TRDN: variants seen among roughly 807,000 people sequenced by gnomAD.
TRDN encodes the protein triadin in skeletal muscle.
TRDN carries 161 observed loss-of-function variants against 149.7 expected under a neutral mutation model. The observed-to-expected ratio is 1.08, with a 90% CI of 0.95 to 1.23. The LOEUF (loss-of-function observed/expected upper bound fraction) is 1.23. TRDN is among the 50% of genes most tolerant of loss of function. The pLI, the probability that TRDN is intolerant of heterozygous loss-of-function variation, is 0.00. For synonymous variants in TRDN, 294 were observed against 250.5 expected (o/e 1.17, Z -1.64); for missense variants, 896 against 823.5 (o/e 1.09, Z -1.08).
intron 1 of TRDN, among the ~76,000 whole-genome samples, chr6:123,625,664 A>T (rs1785626061): frequency 6.6e-6 from 1 of 152,214 alleles, no homozygotes; most frequent in Non-Finnish European, 1.5e-5. Context: ...GCTTATCCTG[A>T]TGTGATTATT....
chr6:123,351,001 G>GT, intron 21 of TRDN: 1 of 984,382 alleles, frequency 1.0e-6, no homozygotes, highest in South Asian at 4.7e-5. Context: ...AAGAAACAAT[G>GT]TTTTCAAATC....
intron 19 of TRDN, among the ~76,000 whole-genome samples, chr6:123,374,609 A>G (rs537333750): frequency 5.3e-5 from 8 of 152,182 alleles, no homozygotes; most frequent in African/African-American, 1.9e-4. Flanking sequence ...AAGCTACTCA[A>G]TATATTTTTC....
At chr6:123,570,280 T>G (rs528489906) in intron 2 of TRDN, among the ~76,000 whole-genome samples, 6 of 152,342 alleles carry the variant, frequency 3.9e-5, no homozygotes, top group African/African-American at 1.4e-4. Flanking sequence ...CTTGGCTGAT[T>G]CCTTTCCTTA....
At chr6:123,498,290 A>C (rs12154083) in intron 8 of TRDN, 76,480 of 234,790 alleles carry the variant, frequency 0.33, 13,131 homozygotes, top group Admixed American at 0.45. Flanking sequence ...CTTGTTACTA[A>C]ACAGATACAC....
chr6:123,537,555 C>A (rs2114379473), intron 4 of TRDN, among the ~76,000 whole-genome samples: 1 of 152,290 alleles, frequency 6.6e-6, no homozygotes, highest in East Asian at 1.9e-4. Context: ...AGATTCACTT[C>A]ATTAGTTTTT....
intron 12 of TRDN, among the ~76,000 whole-genome samples, chr6:123,408,154 T>G (rs1773272567): frequency 6.6e-6 from 1 of 152,170 alleles, no homozygotes; most frequent in Non-Finnish European, 1.5e-5. Context: ...TGAAAATGCT[T>G]ATAGGAGGTC....
At chr6:123,245,577 C>T (rs1776142847) in intron 38 of TRDN, among the ~76,000 whole-genome samples, 1 of 152,084 alleles carries the variant, frequency 6.6e-6, no homozygotes, top group Admixed American at 6.6e-5. Context: ...TACAGGAGCA[C>T]CCGGATTGAT....
intron 12 of TRDN, among the ~76,000 whole-genome samples, chr6:123,435,008 C>T (rs1049911744): frequency 6.6e-6 from 1 of 151,666 alleles, no homozygotes; most frequent in African/African-American, 2.4e-5. Flanking sequence ...ACGGTAGAAG[C>T]CCATTTATCA....
At chr6:123,455,313 A>G (rs1262046518) in intron 10 of TRDN, among the ~76,000 whole-genome samples, 1 of 149,888 alleles carries the variant, frequency 6.7e-6, no homozygotes, top group Non-Finnish European at 1.5e-5. Context: ...GAGTGATTGC[A>G]TTTATTTAAA....
At chr6:123,565,776 TC>T (rs1338110791) in intron 2 of TRDN, among the ~76,000 whole-genome samples, 1 of 152,206 alleles carries the variant, frequency 6.6e-6, no homozygotes, top group Non-Finnish European at 1.5e-5. Flanking sequence ...CTTCAGCGTC[TC>T]CAAATCCTGG....
chr6:123,437,001 A>G (rs546288605), intron 12 of TRDN, among the ~76,000 whole-genome samples: 1 of 152,274 alleles, frequency 6.6e-6, no homozygotes, highest in African/African-American at 2.4e-5. Flanking sequence ...CCAAACCATA[A>G]TACTTGAGAT....
intron 1 of TRDN, among the ~76,000 whole-genome samples, chr6:123,630,374 TC>T (rs1254815285): frequency 1.3e-5 from 2 of 151,962 alleles, no homozygotes; most frequent in African/African-American, 4.8e-5. Flanking sequence ...AACACAAAGG[TC>T]AATGTAGATG....
At chr6:123,339,837 T>C (rs1780004579) in intron 21 of TRDN, among the ~76,000 whole-genome samples, 1 of 152,196 alleles carries the variant, frequency 6.6e-6, no homozygotes. Flanking sequence ...TTTGTCTGTA[T>C]TGACATATCA....
chr6:123,586,547 A>T (rs993870027), intron 1 of TRDN, among the ~76,000 whole-genome samples: 1 of 152,218 alleles, frequency 6.6e-6, no homozygotes, highest in African/African-American at 2.4e-5. Flanking sequence ...TTTTACAACA[A>T]GAATTATTTA....
At position 123,635,916 on chromosome 6, in the gene TRDN, T is replaced by C. The variant is rs149853673; in HGVS notation, c.22+838A>G. Among the ~76,000 whole-genome samples, 458 of 151,928 alleles carry C rather than the reference T, an allele frequency of 3.0e-3. 5 individuals carry two copies. Among genetic ancestry groups the C allele is most frequent in the African/African-American group, 0.011 (436 of 41,516 alleles). ...AATACGTACATATATATATGAAGTA[T>C]ATATGAAATATAAATATATATAACT... On this transcript the variant is annotated intron_variant, in intron 1 of 40. Coordinates refer to ENST00000334268, the MANE Select transcript of TRDN (RefSeq NM_006073.4).
chr6:123,305,512 C>T (rs1208137266), intron 24 of TRDN, among the ~76,000 whole-genome samples: 2 of 152,148 alleles, frequency 1.3e-5, no homozygotes, highest in Non-Finnish European at 2.9e-5. Context: ...TAAGGTAATG[C>T]TAGGCAAGTT....
chr6:123,516,599 T>A (rs1224341870), intron 5 of TRDN, among the ~76,000 whole-genome samples: 3 of 152,130 alleles, frequency 2.0e-5, no homozygotes, highest in East Asian at 3.8e-4. Context: ...AATTTTCTGA[T>A]CTTGAAGCAA....
rs572780729 is a variant in TRDN at position 123,453,441 on chromosome 6, G to A, written c.931+11465C>T. ...AAACAGACAATCTCATCAAAAAGTG[G>A]GCTAAGGACATGAATAGACAATTCT... is the stretch of plus-strand genomic sequence containing the variant. On this transcript the variant is annotated intron_variant, in intron 10 of 40. Transcript: ENST00000334268. Among the ~76,000 whole-genome samples the A allele has an allele frequency of 4.6e-5, 7 of 152,062 alleles. No homozygotes were observed. The East Asian group carries it at 1.2e-3, about 25-fold the overall frequency.
chr6:123,377,266 T>C (rs1245059899), intron 18 of TRDN, among the ~76,000 whole-genome samples: 2 of 152,190 alleles, frequency 1.3e-5, no homozygotes, highest in Non-Finnish European at 2.9e-5. Context: ...TTGCTGGAAG[T>C]GATTATTCCA....
Sources: gnomAD v4.1 joint callset for allele counts (sites outside exome capture counted in the v4.1 genomes callset) on GRCh38, gnomAD v4.1.1 for gene constraint, MANE v1.5 for transcripts, NCBI Gene and HGNC (gene_info 2026-07-23, HGNC 2026-07-21) for gene names.